Variants in DENND1A observed in about 807,000 individuals in gnomAD.
DENND1A encodes DENN domain containing 1A.
DENND1A carries 51 observed loss-of-function variants against 113.7 expected under a neutral mutation model. That is an observed-to-expected ratio of 0.45 (90% confidence interval 0.36 to 0.57). The LOEUF (loss-of-function observed/expected upper bound fraction) is 0.57. Ranked by LOEUF, DENND1A falls within the 20% of genes least tolerant of loss-of-function variation. The pLI, the probability that DENND1A is intolerant of heterozygous loss-of-function variation, is 0.00. For synonymous variants in DENND1A, 565 were observed against 570.8 expected (o/e 0.99, Z 0.14); for missense variants, 1,258 against 1,395.9 (o/e 0.90, Z 1.57).
intron 1 of DENND1A, among the ~76,000 whole-genome samples, chr9:123,927,769 G>C (rs1184631397): frequency 6.6e-6 from 1 of 152,128 alleles, no homozygotes; most frequent in African/African-American, 2.4e-5. Flanking sequence ...CTATTCAATG[G>C]AACCTGCACA....
At chr9:123,596,871 G>A (rs2059717835) in intron 11 of DENND1A, among the ~76,000 whole-genome samples, 1 of 152,192 alleles carries the variant, frequency 6.6e-6, no homozygotes, top group African/African-American at 2.4e-5. Flanking sequence ...ACCTCTCTGT[G>A]CCTATATTTC....
At chr9:123,722,787 A>G (rs1256916596) in intron 5 of DENND1A, among the ~76,000 whole-genome samples, 2 of 152,266 alleles carry the variant, frequency 1.3e-5, no homozygotes, top group Non-Finnish European at 2.9e-5. Flanking sequence ...CTGGATGCCC[A>G]GGCAGAAGTT....
At chr9:123,681,792 T>C (rs183307958) in intron 5 of DENND1A, among the ~76,000 whole-genome samples, 16 of 152,158 alleles carry the variant, frequency 1.1e-4, no homozygotes, top group Non-Finnish European at 1.0e-4. Flanking sequence ...ATCCCAATTA[T>C]AATGAGCACA....
intron 4 of DENND1A, among the ~76,000 whole-genome samples, chr9:123,766,380 C>G (rs1828818151): frequency 6.6e-6 from 1 of 152,102 alleles, no homozygotes; most frequent in Non-Finnish European, 1.5e-5. Flanking sequence ...TCCGTTATCC[C>G]CCATATTACC....
At chr9:123,398,792 C>T (rs527375125) in intron 21 of DENND1A, among the ~76,000 whole-genome samples, 2 of 149,046 alleles carry the variant, frequency 1.3e-5, no homozygotes, top group South Asian at 2.1e-4. Context: ...AACCACCACA[C>T]AGCATTTTTT....
chr9:123,570,267 A>T (rs1339273864), intron 12 of DENND1A, among the ~76,000 whole-genome samples: 3 of 152,224 alleles, frequency 2.0e-5, no homozygotes, highest in African/African-American at 4.8e-5. Context: ...CATCTGGAAG[A>T]CTCTGAACTA....
chr9:123,417,558 C>A (rs2044839612), intron 19 of DENND1A, among the ~76,000 whole-genome samples: 2 of 152,210 alleles, frequency 1.3e-5, no homozygotes, highest in Admixed American at 1.3e-4. Flanking sequence ...GCCCATTGTG[C>A]TATCCTTGTC....
chr9:123,900,643 T>C (rs77671236), intron 1 of DENND1A, among the ~76,000 whole-genome samples: 5,799 of 152,286 alleles, frequency 0.038, 114 homozygotes, highest in Middle Eastern at 0.048. Context: ...AAAATACACT[T>C]AGAATCACAT....
intron 21 of DENND1A, among the ~76,000 whole-genome samples, chr9:123,389,462 C>T (rs1294631325): frequency 6.6e-6 from 1 of 152,180 alleles, no homozygotes; most frequent in African/African-American, 2.4e-5. Context: ...CATTTTCCCG[C>T]CTCAGTGGAC....
Position 123,552,419 on chromosome 9 carries a change from G to C in DENND1A, c.993+5151C>G, listed in dbSNP as rs532608926. ...ATTGGAGAGGTGAATAACTGCTCAGGGTCCAGGGAGGCAGAAGCAGAGCAG... is the reference window on the plus strand; with the variant it reads ...ATTGGAGAGGTGAATAACTGCTCAGCGTCCAGGGAGGCAGAAGCAGAGCAG... On this transcript the variant is annotated intron_variant, in intron 13 of 23. Transcript: ENST00000394215. Among the ~76,000 whole-genome samples the C allele has an allele frequency of 1.7e-4, 26 of 152,354 alleles. 1 individual carries two copies. In the South Asian group the frequency reaches 5.2e-3, roughly 30 times the overall value.
chr9:123,418,618 G>C (rs2044953182), intron 19 of DENND1A, among the ~76,000 whole-genome samples: 1 of 152,204 alleles, frequency 6.6e-6, no homozygotes, highest in African/African-American at 2.4e-5. Flanking sequence ...GGGGAGGAGA[G>C]GTGGTGTCCC....
chr9:123,902,098 A>G (rs1312391821), intron 1 of DENND1A, among the ~76,000 whole-genome samples: 1 of 151,826 alleles, frequency 6.6e-6, no homozygotes, highest in Non-Finnish European at 1.5e-5. Flanking sequence ...CTTCTATAAT[A>G]ACAGGTTCAT....
intron 6 of DENND1A, among the ~76,000 whole-genome samples, chr9:123,676,331 C>G (rs1422674324): frequency 6.6e-6 from 1 of 152,176 alleles, no homozygotes; most frequent in African/African-American, 2.4e-5. Flanking sequence ...CTTGCAAACC[C>G]CAGATCTGCA....
chr9:123,451,632 G>A (rs1433026717), intron 17 of DENND1A, among the ~76,000 whole-genome samples: 2 of 152,172 alleles, frequency 1.3e-5, no homozygotes, highest in African/African-American at 4.8e-5. Flanking sequence ...GGGGATTCCT[G>A]CAGGAAGGCT....
At chr9:123,707,044 T>G (rs916972563) in intron 5 of DENND1A, among the ~76,000 whole-genome samples, 2 of 152,108 alleles carry the variant, frequency 1.3e-5, no homozygotes, top group Non-Finnish European at 2.9e-5. Flanking sequence ...TGTCAGAAGG[T>G]GTTAATAGAC....
At chr9:123,595,336 A>G (rs2059636428) in intron 11 of DENND1A, among the ~76,000 whole-genome samples, 1 of 152,144 alleles carries the variant, frequency 6.6e-6, no homozygotes, top group Admixed American at 6.5e-5. Context: ...TTTCCTGGCC[A>G]TCGATCCACT....
At chr9:123,450,176 C>A (rs1011703031) in intron 18 of DENND1A, among the ~76,000 whole-genome samples, 1 of 152,136 alleles carries the variant, frequency 6.6e-6, no homozygotes, top group African/African-American at 2.4e-5. Flanking sequence ...GTCTCAACAG[C>A]GCCCACTGGG....
chr9:123,640,163 G>A (rs2061952529), intron 9 of DENND1A, among the ~76,000 whole-genome samples: 1 of 152,180 alleles, frequency 6.6e-6, no homozygotes, highest in Non-Finnish European at 1.5e-5. Context: ...GAGAGAGAAA[G>A]ATCAAAATGC....
chr9:123,895,599 G>A (rs1267836280), intron 1 of DENND1A, among the ~76,000 whole-genome samples: 1 of 150,706 alleles, frequency 6.6e-6, no homozygotes, highest in Admixed American at 6.6e-5. Context: ...ACCAGCCTGG[G>A]CGATAGAGTG....
Sources: allele counts gnomAD v4.1 joint callset (sites outside exome capture counted in the v4.1 genomes callset), GRCh38; gene constraint gnomAD v4.1.1; transcripts MANE v1.5; gene names NCBI Gene and HGNC (gene_info 2026-07-23, HGNC 2026-07-21).